STRBP: variants seen among roughly 807,000 people sequenced by gnomAD.
The protein encoded by STRBP is spermatid perinuclear RNA-binding protein.
STRBP carries 13 observed loss-of-function variants against 80.1 expected under a neutral mutation model. That is an observed-to-expected ratio of 0.16 (90% CI 0.11 to 0.26). STRBP has a LOEUF of 0.26. Ranked by LOEUF, STRBP falls within the 10% of genes least tolerant of loss-of-function variation. The pLI, the probability that STRBP is intolerant of heterozygous loss-of-function variation, is 1.00. For synonymous variants in STRBP, 284 were observed against 291.2 expected (o/e 0.98, Z 0.25); for missense variants, 485 against 815.2 (o/e 0.59, Z 4.93).
At chr9:123,186,162 G>T (rs1303279413) in intron 2 of STRBP, among the ~76,000 whole-genome samples, 1 of 151,798 alleles carries the variant, frequency 6.6e-6, no homozygotes, top group South Asian at 2.1e-4. Flanking sequence ...GGGCAACACA[G>T]TGAGACCCCA....
At chr9:123,256,018 C>CTTTTTTTTTTTTTT (rs11338372) in intron 1 of STRBP, among the ~76,000 whole-genome samples, 16 of 71,484 alleles carry the variant, frequency 2.2e-4, no homozygotes, top group East Asian at 4.3e-4. Flanking sequence ...TCCTTTCTTT[C>CTTTTTTTTTTTTTT]TTTTTTTTTT....
intron 2 of STRBP, among the ~76,000 whole-genome samples, chr9:123,235,375 G>C (rs1266896577): frequency 1.3e-5 from 2 of 149,790 alleles, no homozygotes; most frequent in Admixed American, 1.3e-4. Context: ...CTGTATCCTT[G>C]CAAAACCACT....
rs537742934 is a variant in STRBP, at chr9:123,123,090, G to A, written c.*2507C>T. The A allele has an allele frequency of 8.1e-6, 8 of 985,412 alleles. No individual in the cohort carries two copies. Among genetic ancestry groups the A allele is most frequent in the African/African-American group, 1.7e-5 (1 of 57,344 alleles). 61.0% of individuals were successfully genotyped at this position (985,412 alleles called of 1,614,324 possible). On this transcript the variant is annotated 3_prime_UTR_variant, in exon 19 of 19. Transcript: ENST00000348403. ...CTCTTAAGACCAAGACATAGAAATT[G>A]CCATTTCAAGCCAGACAACCTGATG...
At position 123,115,510 on chromosome 9, in the gene STRBP, G is replaced by C; in HGVS notation, c.*84+419C>G. 2.6e-6 allele frequency: 1 copy of C among 383,920 alleles called. No individual in the cohort carries two copies. Among genetic ancestry groups the C allele is most frequent in the East Asian group, 7.4e-5 (1 of 13,548 alleles). 23.8% of individuals were successfully genotyped at this position (383,920 alleles called of 1,614,324 possible). On this transcript the variant is annotated intron_variant and NMD_transcript_variant, in intron 3 of 3. Coordinates refer to the STRBP transcript ENST00000471564. This position sits in a 1 kb window ranked among gnomAD's most constrained non-coding sequence, Gnocchi z 5.0. ...TCCCCTCCCTGTACTCTCCATCTGGGTCAATGATTTCACCTTCTACTCAGT... is the reference window on the plus strand; with the variant it reads ...TCCCCTCCCTGTACTCTCCATCTGGCTCAATGATTTCACCTTCTACTCAGT...
chr9:123,219,328 C>G (rs950134941), intron 2 of STRBP, among the ~76,000 whole-genome samples: 3 of 152,130 alleles, frequency 2.0e-5, no homozygotes, highest in African/African-American at 7.2e-5. Flanking sequence ...CGATTTCAAC[C>G]CCCCACAAAC....
At chr9:123,216,701 A>G (rs1171573798) in intron 2 of STRBP, among the ~76,000 whole-genome samples, 1 of 152,222 alleles carries the variant, frequency 6.6e-6, no homozygotes, top group East Asian at 1.9e-4. Context: ...CACTGCTACG[A>G]TATCATGTAC....
chr9:123,159,331 AC>A, intron 8 of STRBP, 124 bp from the exon 9 acceptor site: 1 of 578,946 alleles, frequency 1.7e-6, no homozygotes, highest in Non-Finnish European at 2.9e-6. Context: ...AACATTTAGG[AC>A]CCACTTAACA....
chr9:123,247,325 T>C (rs940335699), intron 1 of STRBP, among the ~76,000 whole-genome samples: 2 of 152,172 alleles, frequency 1.3e-5, no homozygotes, highest in East Asian at 3.8e-4. Flanking sequence ...TGGAGTACAG[T>C]GCCACAATCT....
At chr9:123,257,931 C>A (rs923245891) in intron 1 of STRBP, among the ~76,000 whole-genome samples, 1 of 151,544 alleles carries the variant, frequency 6.6e-6, no homozygotes, top group Non-Finnish European at 1.5e-5. Flanking sequence ...ATATCTATAT[C>A]TTTGTATATC....
chr9:123,199,394 T>C lies in STRBP; in HGVS notation c.-164-15096A>G, dbSNP rs147753538. Among the ~76,000 whole-genome samples, 3 of 152,332 alleles carry C rather than the reference T, an allele frequency of 2.0e-5. No homozygotes were observed. The East Asian group carries it at 5.8e-4, about 29-fold the overall frequency. ...TTTTGGTTCCACACGAATTTTAGGATTGTTTTTTCTAATTCTGTGAAAAAT... is the reference window on the plus strand; with the variant it reads ...TTTTGGTTCCACACGAATTTTAGGACTGTTTTTTCTAATTCTGTGAAAAAT... On this transcript the variant is annotated intron_variant, in intron 2 of 18. Coordinates refer to ENST00000348403, the MANE Select transcript of STRBP (RefSeq NM_018387.5).
At chr9:123,204,937 A>G (rs927890806) in intron 2 of STRBP, among the ~76,000 whole-genome samples, 18 of 150,398 alleles carry the variant, frequency 1.2e-4, no homozygotes, top group Admixed American at 8.6e-4. Context: ...AAAAAAAAAA[A>G]AAAAGAAAGA....
intron 3 of STRBP, chr9:123,114,309 A>G (rs2035611323): frequency 6.0e-6 from 1 of 167,186 alleles, no homozygotes; most frequent in Non-Finnish European, 1.5e-5. Context: ...TCACCTCACA[A>G]GTTCATGGTC....
At chr9:123,182,271 A>G in intron 3 of STRBP, among the ~76,000 whole-genome samples, 1 of 150,300 alleles carries the variant, frequency 6.7e-6, no homozygotes, top group East Asian at 1.9e-4. Context: ...AATCAGAAGA[A>G]CCATGCAGAA....
chr9:123,152,691 G>A (rs938901375), intron 11 of STRBP, among the ~76,000 whole-genome samples: 2 of 152,088 alleles, frequency 1.3e-5, no homozygotes, highest in Non-Finnish European at 2.9e-5. Context: ...TTATGGAGAT[G>A]GGTAAATCTT....
chr9:123,117,963 C>T (rs552831347), downstream of STRBP, among the ~76,000 whole-genome samples: 1 of 152,320 alleles, frequency 6.6e-6, no homozygotes, highest in African/African-American at 2.4e-5. Context: ...TTCTTCACAA[C>T]CAATTTAAAT....
intron 16 of STRBP, among the ~76,000 whole-genome samples, chr9:123,134,517 T>C (rs1272903772): frequency 6.6e-6 from 1 of 152,170 alleles, no homozygotes; most frequent in Admixed American, 6.5e-5. Context: ...ATATCCAAAA[T>C]AGATTGCTTC....
chr9:123,223,414 T>C (rs1428449329), intron 2 of STRBP, among the ~76,000 whole-genome samples: 1 of 152,126 alleles, frequency 6.6e-6, no homozygotes, highest in African/African-American at 2.4e-5. Context: ...CCAACAGTAA[T>C]GTAAGATGTT....
intron 17 of STRBP, among the ~76,000 whole-genome samples, chr9:123,129,429 A>T (rs1014402919): frequency 6.6e-6 from 1 of 152,192 alleles, no homozygotes; most frequent in Non-Finnish European, 1.5e-5. Context: ...CAAGGGCACA[A>T]AATCACCATG....
intron 2 of STRBP, among the ~76,000 whole-genome samples, chr9:123,206,233 T>A (rs1281408115): frequency 4.2e-5 from 6 of 144,022 alleles, no homozygotes; most frequent in Non-Finnish European, 8.8e-5. Flanking sequence ...ATGAGATCAG[T>A]TAAAACTATT....
Sources: gnomAD v4.1 joint callset for allele counts (sites outside exome capture counted in the v4.1 genomes callset) on GRCh38, gnomAD v4.1.1 for gene constraint, Gnocchi (gnomAD v3.1) non-coding constraint, MANE v1.5 for transcripts, NCBI Gene and HGNC (gene_info 2026-07-23, HGNC 2026-07-21) for gene names.